Variants in CTTNBP2 observed in about 807,000 individuals in gnomAD.
CTTNBP2 encodes cortactin binding protein 2.
CTTNBP2 carries 108 observed loss-of-function variants against 156.9 expected under a neutral mutation model. The ratio of observed to expected loss-of-function variants is 0.69; its 90% CI spans 0.59 to 0.81. The LOEUF (loss-of-function observed/expected upper bound fraction) is 0.81, where lower values mean the gene tolerates loss of function less well. CTTNBP2 is among the 30% of genes least tolerant of loss of function. The pLI is 0.00. For missense variants in CTTNBP2, 1,924 were observed against 2,035.4 expected (o/e 0.95, Z 1.05); for synonymous variants, 767 against 751.8 (o/e 1.02, Z -0.33).
At chr7:117,822,324 G>A (rs1801014719) in intron 2 of CTTNBP2, among the ~76,000 whole-genome samples, 1 of 151,826 alleles carries the variant, frequency 6.6e-6, no homozygotes, top group Admixed American at 6.6e-5. Context: ...TCTTTTCAAT[G>A]AATCAACTCT....
Position 117,711,899 on chromosome 7 carries a change from G to A in CTTNBP2, c.4747-117C>T, listed in dbSNP as rs551553972. 173 of 1,011,406 alleles carry A rather than the reference G, an allele frequency of 1.7e-4. 1 individual carries two copies. The highest frequency in any genetic ancestry group is 1.4e-3 in the South Asian group (75 of 52,628). 62.7% of individuals were successfully genotyped at this position (1,011,406 alleles called of 1,614,324 possible). On this transcript the variant is annotated intron_variant, in intron 22 of 22. Transcript: ENST00000160373. ...TTTCTCTCTAAAACTATAGGTTCTC[G>A]TGAAAAATCAAAAGAAAATGGAGAG...
At chr7:117,843,000 G>C (rs1226342466) in intron 2 of CTTNBP2, among the ~76,000 whole-genome samples, 1 of 152,144 alleles carries the variant, frequency 6.6e-6, no homozygotes, top group Non-Finnish European at 1.5e-5. Flanking sequence ...TCATGGGCTG[G>C]GGATTCACAC....
intron 17 of CTTNBP2, among the ~76,000 whole-genome samples, chr7:117,726,451 A>C (rs1192870998): frequency 2.6e-5 from 4 of 152,210 alleles, no homozygotes; most frequent in Non-Finnish European, 2.9e-5. Flanking sequence ...AGTTATTCCT[A>C]AAAGTGCTGA....
At chr7:117,827,312 A>G (rs1473528041) in intron 2 of CTTNBP2, among the ~76,000 whole-genome samples, 1 of 152,220 alleles carries the variant, frequency 6.6e-6, no homozygotes, top group African/African-American at 2.4e-5. Context: ...TTTAGCAGGT[A>G]CTGCTTTCAT....
chr7:117,724,308 CAAGTT>C (rs1432398175), intron 19 of CTTNBP2, among the ~76,000 whole-genome samples: 2 of 151,966 alleles, frequency 1.3e-5, no homozygotes, highest in Non-Finnish European at 2.9e-5. Context: ...TGACCATTAA[CAAGTT>C]AAAGATTAAT....
intron 14 of CTTNBP2, among the ~76,000 whole-genome samples, chr7:117,742,747 G>T (rs569400523): frequency 6.6e-6 from 1 of 152,244 alleles, no homozygotes; most frequent in Non-Finnish European, 1.5e-5. Context: ...GGTTCCATGT[G>T]GTTCTCATAT....
intron 12 of CTTNBP2, among the ~76,000 whole-genome samples, chr7:117,748,342 C>T (rs1425295374): frequency 6.6e-6 from 1 of 152,124 alleles, no homozygotes; most frequent in Non-Finnish European, 1.5e-5. Flanking sequence ...ATGGTAAGTC[C>T]TTTTGATATG....
In CTTNBP2 at chr7:117,711,384, C is replaced by A; in HGVS notation, c.*153G>T. The A allele has an allele frequency of 7.7e-6, 6 of 779,846 alleles. No homozygotes were observed. Among genetic ancestry groups the A allele is most frequent in the South Asian group, 5.4e-5 (2 of 36,960 alleles). 48.3% of individuals were successfully genotyped at this position (779,846 alleles called of 1,614,324 possible). On this transcript the variant is annotated 3_prime_UTR_variant, in exon 23 of 23. Coordinates refer to ENST00000160373, the MANE Select transcript of CTTNBP2 (RefSeq NM_033427.3). ...AGCAACAAAATGTTGGTTATAAATA[C>A]ATTCTTTACAAAAAAAAATTGAATA...
chr7:117,849,336 C>T (rs1018678834), intron 2 of CTTNBP2, among the ~76,000 whole-genome samples: 1 of 152,196 alleles, frequency 6.6e-6, no homozygotes, highest in Non-Finnish European at 1.5e-5. Flanking sequence ...GAATGGAACA[C>T]TTTGCTTTAT....
intron 2 of CTTNBP2, among the ~76,000 whole-genome samples, chr7:117,833,305 G>A (rs1801733896): frequency 6.6e-6 from 1 of 152,132 alleles, no homozygotes; most frequent in African/African-American, 2.4e-5. Context: ...ACTGATCCTG[G>A]TGCTTCCCCG....
At chr7:117,786,962 G>C (rs928341369) in intron 4 of CTTNBP2, among the ~76,000 whole-genome samples, 3 of 151,612 alleles carry the variant, frequency 2.0e-5, no homozygotes, top group Non-Finnish European at 4.4e-5. Flanking sequence ...TTTTTTTAGA[G>C]GTCTGCAATA....
chr7:117,811,907 T>C (rs1195569601), intron 2 of CTTNBP2, among the ~76,000 whole-genome samples: 1 of 85,588 alleles, frequency 1.2e-5, no homozygotes, highest in African/African-American at 5.6e-5. Context: ...TTTAATTAAA[T>C]TAAAATTTTA....
intron 4 of CTTNBP2, among the ~76,000 whole-genome samples, chr7:117,785,842 A>T (rs1798677508): frequency 6.6e-6 from 1 of 152,206 alleles, no homozygotes; most frequent in Admixed American, 6.5e-5. Flanking sequence ...TGGCATGATG[A>T]GATAAGATCT....
chr7:117,787,362 G>A lies in CTTNBP2; in HGVS notation c.2069-2908C>T, dbSNP rs1156430896. Among the ~76,000 whole-genome samples, 3 of 152,208 alleles carry A rather than the reference G, an allele frequency of 2.0e-5. No homozygotes were observed. The East Asian group carries it at 5.8e-4, about 29-fold the overall frequency. On this transcript the variant is annotated intron_variant, in intron 4 of 22. Transcript: ENST00000160373. ...GAATGACTGGACATGCAATGGCAGA[G>A]GGAAGGAGTGAGAACAGCTTCTGGC...
At chr7:117,796,131 C>T (rs1799300402) in intron 3 of CTTNBP2, among the ~76,000 whole-genome samples, 1 of 152,138 alleles carries the variant, frequency 6.6e-6, no homozygotes. Flanking sequence ...TCTATATTTC[C>T]TTCCCTTCAA....
At chr7:117,778,729 G>A (rs1047865366) in intron 7 of CTTNBP2, among the ~76,000 whole-genome samples, 2 of 151,932 alleles carry the variant, frequency 1.3e-5, no homozygotes, top group African/African-American at 2.4e-5. Context: ...TATAGAAATC[G>A]GTCTGCCTTC....
Position 117,791,503 on chromosome 7 carries a change from C to A in CTTNBP2, c.1693G>T (p.Val565Phe). Reference protein sequence around the residue: ...TPSPPHPQLKVIIDSSRASNT... With the variant: ...TPSPPHPQLKFIIDSSRASNT... ...GAGGCCCTGCTGCTGTCTATAATAA[C>A]CTTGAGTTGGGGGTGTGGTGGAGAA... is the stretch of plus-strand genomic sequence containing the variant. The change falls in exon 4 of 23, where the codon GTT (valine) becomes TTT (phenylalanine). Residue 565 changes from valine to phenylalanine, a missense_variant. Physicochemically the swap from Val to Phe is conservative, Grantham distance 50. Coordinates refer to ENST00000160373, the MANE Select transcript of CTTNBP2 (RefSeq NM_033427.3). 6.2e-7 allele frequency: 1 copy of A among 1,614,154 alleles called. No individual in the cohort carries two copies. The highest frequency in any genetic ancestry group is 8.5e-7 in the Non-Finnish European group (1 of 1,180,026).
At chr7:117,765,745 C>T (rs1797451153) in intron 9 of CTTNBP2, among the ~76,000 whole-genome samples, 1 of 152,180 alleles carries the variant, frequency 6.6e-6, no homozygotes, top group Non-Finnish European at 1.5e-5. Flanking sequence ...GATGCTTGAT[C>T]TGTTTCCAGA....
chr7:117,717,356 T>C (rs78875354), intron 22 of CTTNBP2, among the ~76,000 whole-genome samples: 274 of 152,066 alleles, frequency 1.8e-3, no homozygotes, highest in African/African-American at 6.5e-3. Flanking sequence ...ACCTTTATGT[T>C]ATCACTCAGT....
Sources: allele counts gnomAD v4.1 joint callset (sites outside exome capture counted in the v4.1 genomes callset), GRCh38; gene constraint gnomAD v4.1.1; transcripts MANE v1.5; gene names NCBI Gene and HGNC (gene_info 2026-07-23, HGNC 2026-07-21).